Variants in ZBTB8B observed in about 807,000 individuals in gnomAD.
The protein encoded by ZBTB8B is zinc finger and BTB domain-containing protein 8B.
In ZBTB8B, 17 loss-of-function variants were observed where a neutral mutation model predicts 30.3. The observed-to-expected ratio is 0.56, with a 90% CI of 0.38 to 0.84. The LOEUF is 0.84. Ranked by LOEUF, ZBTB8B falls within the 40% of genes least tolerant of loss-of-function variation. The pLI is 0.00. For missense variants in ZBTB8B, 515 were observed against 644.9 expected (o/e 0.80, Z 2.18); for synonymous variants, 248 against 255.6 (o/e 0.97, Z 0.28).
chr1:32,491,841 AG>A lies in ZBTB8B; in HGVS notation c.*6427del, dbSNP rs942808364. ...ACATATGAATTTTTATTAGGTTGCC[AG>A]GGGAACAGAGCTAGAAAGTTAACAA... On this transcript the variant is annotated 3_prime_UTR_variant, in exon 4 of 4. Transcript: ENST00000609129. The A allele has an allele frequency of 5.3e-5, 8 of 152,250 alleles. No homozygotes were observed. The highest frequency in any genetic ancestry group is 1.9e-4 in the African/African-American group (8 of 41,472). The allele number at this position is 152,250 out of a possible 1,614,324, so 9.4% of individuals were successfully genotyped here. A position where few individuals can be genotyped will look rare whatever the true frequency, so the allele number is the denominator to read the frequency against.
intron 1 of ZBTB8B, among the ~76,000 whole-genome samples, chr1:32,468,162 C>A (rs1003422255): frequency 1.3e-5 from 2 of 151,986 alleles, no homozygotes; most frequent in South Asian, 4.2e-4. Context: ...GAAAACCCAA[C>A]TCAGACCAGC....
In ZBTB8B at chr1:32,480,862, C is replaced by T. The variant is rs1316819171; in HGVS notation, c.992-29C>T. ...CCAGGGTTGGTCACTGCATACAGCA[C>T]AGCTAAATGAAAGCATTTGGTTCCC... On this transcript the variant is annotated intron_variant, in intron 2 of 3. Transcript: ENST00000609129. 3 of 1,544,182 alleles carry T rather than the reference C, an allele frequency of 1.9e-6. No homozygotes were observed. The Admixed American group carries it at 5.9e-5, about 31-fold the overall frequency.
rs1288460826 is a variant in ZBTB8B at position 32,488,837 on chromosome 1, C to T, written c.*3419C>T. 2.6e-5 allele frequency: 4 copies of T among 152,098 alleles called. No homozygotes were observed. Among genetic ancestry groups the T allele is most frequent in the Non-Finnish European group, 5.9e-5 (4 of 68,032 alleles). 9.4% of individuals were successfully genotyped at this position (152,098 alleles called of 1,614,324 possible). A position where few individuals can be genotyped will look rare whatever the true frequency, so the allele number is the denominator to read the frequency against. On this transcript the variant is annotated 3_prime_UTR_variant, in exon 4 of 4. Transcript: ENST00000609129. ...TTGAGATGGAGTTTCATCTTTGTCA[C>T]CCAGGCTGGAGTGCAATGGCGTGAT...
At chr1:32,467,239 A>C (rs1436050131) in intron 1 of ZBTB8B, among the ~76,000 whole-genome samples, 5 of 146,130 alleles carry the variant, frequency 3.4e-5, no homozygotes, top group Non-Finnish European at 6.0e-5. Context: ...CCCTCCACAC[A>C]CTTGTTTTTT....
At position 32,471,301 on chromosome 1, in the gene ZBTB8B, G is replaced by C. The variant is rs376515641; in HGVS notation, c.677G>C (p.Arg226Pro). The C allele has an allele frequency of 1.9e-5, 29 of 1,551,676 alleles. No homozygotes were observed. The Admixed American group carries it at 2.9e-4, about 16-fold the overall frequency. Residue 226 changes from arginine (R) to proline (P), a missense_variant, in exon 2 of 4, where the codon CGG (arginine) becomes CCG (proline). Arg to Pro is a moderately radical substitution (Grantham distance 103). Transcript: ENST00000609129. ...ADSNLSTPPKRIEPKVEFDAD... is the reference protein window; with the variant it reads ...ADSNLSTPPKPIEPKVEFDAD... ...AGCAACCTCTCTACTCCACCCAAAC[G>C]GATAGAGCCCAAGGTGGAATTTGAT...
In ZBTB8B at chr1:32,485,767, TC is replaced by T; in HGVS notation, c.*350del. 4.5e-6 allele frequency: 1 copy of T among 220,628 alleles called. No individual in the cohort carries two copies. The highest frequency in any genetic ancestry group is 9.1e-6 in the Non-Finnish European group (1 of 110,228). 13.7% of individuals were successfully genotyped at this position (220,628 alleles called of 1,614,324 possible). ...GCTTGTTTTTATATTGATTCAGTCC[TC>T]TGCATTCCTTTGTTATCATCCTCTT... is the stretch of plus-strand genomic sequence containing the variant. On this transcript the variant is annotated 3_prime_UTR_variant, in exon 4 of 4. Coordinates refer to ENST00000609129, the MANE Select transcript of ZBTB8B (RefSeq NM_001145720.2).
Position 32,471,191 on chromosome 1 carries a change from G to A in ZBTB8B, c.567G>A (p.Leu189=). The A allele has an allele frequency of 6.4e-7, 1 of 1,551,904 alleles. No homozygotes were observed. The highest frequency in any genetic ancestry group is 8.7e-7 in the Non-Finnish European group (1 of 1,147,052). Residue 189 remains leucine (L), a synonymous_variant, in exon 2 of 4, where the codon CTG becomes CTA. Transcript: ENST00000609129. ...AGGGAGAAAAGAGCGTGGAGTGCCT[G>A]AGAGAGTCCCCTTGCGGTGACTGCG... The part of the protein sequence containing the change: ...PAEGEKSVEC[L]RESPCGDCGD...
In ZBTB8B at chr1:32,471,386, C is replaced by T. The variant is rs369365212; in HGVS notation, c.762C>T (p.Asn254=). ...EQLQQYAAPL[N]LAHVEEALPS... ...TGCAGCAGTATGCTGCCCCGCTGAACCTGGCCCACGTGGAGGAGGCCTTGC... is the reference window on the plus strand; with the variant it reads ...TGCAGCAGTATGCTGCCCCGCTGAATCTGGCCCACGTGGAGGAGGCCTTGC... The change falls in exon 2 of 4, where the codon AAC becomes AAT. Residue 254 remains asparagine (N), a synonymous_variant. Coordinates refer to ENST00000609129, the MANE Select transcript of ZBTB8B (RefSeq NM_001145720.2). 35 of 1,551,700 alleles carry T rather than the reference C, an allele frequency of 2.3e-5. No individual in the cohort carries two copies. The African/African-American group carries it at 4.1e-4, about 18-fold the overall frequency.
At chr1:32,468,168 C>A (rs187091968) in intron 1 of ZBTB8B, among the ~76,000 whole-genome samples, 106 of 152,040 alleles carry the variant, frequency 7.0e-4, no homozygotes, top group African/African-American at 2.5e-3. Flanking sequence ...CCAACTCAGA[C>A]CAGCTAAACC....
chr1:32,496,190 C>T lies in ZBTB8B; in HGVS notation c.*10772C>T, dbSNP rs1643816327. 1 of 152,124 alleles carries T rather than the reference C, an allele frequency of 6.6e-6. No homozygotes were observed. The highest frequency in any genetic ancestry group is 6.6e-5 in the Admixed American group (1 of 15,262). The allele number at this position is 152,124 out of a possible 1,614,324, so 9.4% of individuals were successfully genotyped here. ...ACGAGACAATTTCTGGCAGACTATCCCAAGCTGGGACATTTTAGATTCTGT... is the reference window on the plus strand; with the variant it reads ...ACGAGACAATTTCTGGCAGACTATCTCAAGCTGGGACATTTTAGATTCTGT... On this transcript the variant is annotated 3_prime_UTR_variant, in exon 4 of 4. Transcript: ENST00000609129.
chr1:32,470,271 C>T (rs1299409439), intron 1 of ZBTB8B, among the ~76,000 whole-genome samples: 1 of 151,652 alleles, frequency 6.6e-6, no homozygotes, highest in Non-Finnish European at 1.5e-5. Flanking sequence ...GAGGCCGAGG[C>T]GGGCGGATCA....
Position 32,492,135 on chromosome 1 carries a change from A to G in ZBTB8B, c.*6717A>G, listed in dbSNP as rs1303501476. On this transcript the variant is annotated 3_prime_UTR_variant, in exon 4 of 4. Transcript: ENST00000609129. The stretch of plus-strand genomic sequence containing the variant: ...AACAGTCAAAATGATCCTAGCCAAA[A>G]TATCATGTATCCTTTGGTGTCACTC... 1 of 152,134 alleles carries G rather than the reference A, an allele frequency of 6.6e-6. No individual in the cohort carries two copies. The highest frequency in any genetic ancestry group is 1.5e-5 in the Non-Finnish European group (1 of 68,024). 9.4% of individuals were successfully genotyped at this position (152,134 alleles called of 1,614,324 possible).
In ZBTB8B at chr1:32,485,184, C is replaced by T. The variant is rs896858940; in HGVS notation, c.1254C>T (p.Phe418=). 1.0e-5 allele frequency: 16 copies of T among 1,551,834 alleles called. No homozygotes were observed. The highest frequency in any genetic ancestry group is 4.9e-5 in the East Asian group (2 of 40,932). ...TSHLSQGLRR[F]GLCDSCTCVT... ...ACCTGTCCCAGGGGCTGCGGCGCTTCGGGCTGTGTGACAGCTGCACCTGCG... is the reference window on the plus strand; with the variant it reads ...ACCTGTCCCAGGGGCTGCGGCGCTTTGGGCTGTGTGACAGCTGCACCTGCG... Residue 418 remains phenylalanine (F), a synonymous_variant, in exon 4 of 4, where the codon TTC becomes TTT. Transcript: ENST00000609129.
In ZBTB8B at chr1:32,465,914, C is replaced by G. The variant is rs773571029; in HGVS notation, c.-42+809C>G. 9.2e-5 allele frequency among the ~76,000 whole-genome samples: 14 copies of G among 152,048 alleles called. No homozygotes were observed. The highest frequency in any genetic ancestry group is 1.9e-4 in the Non-Finnish European group (13 of 67,996). On this transcript the variant is annotated intron_variant, in intron 1 of 3. Coordinates refer to ENST00000609129, the MANE Select transcript of ZBTB8B (RefSeq NM_001145720.2). The surrounding 1 kb of genome is among the most constrained non-coding windows in gnomAD (Gnocchi z 4.1). The stretch of plus-strand genomic sequence containing the variant: ...TGCTTGTAAAAGCCAGGCATGGTGG[C>G]GCGCACCTGTAGTCCCTGCTACTCG...
In ZBTB8B at chr1:32,492,269, C is replaced by A; in HGVS notation, c.*6851C>A. On this transcript the variant is annotated 3_prime_UTR_variant, in exon 4 of 4. Coordinates refer to ENST00000609129, the MANE Select transcript of ZBTB8B (RefSeq NM_001145720.2). The stretch of plus-strand genomic sequence containing the variant: ...GGAGCCTTTGGCCATCTGGCAAACA[C>A]CAAACACAGGCTCTTGGTAACCGTG... The A allele has an allele frequency of 6.4e-6, 1 of 156,508 alleles. No individual in the cohort carries two copies. Among genetic ancestry groups the A allele is most frequent in the African/African-American group, 2.4e-5 (1 of 41,128 alleles). The allele number at this position is 156,508 out of a possible 1,614,324, so 9.7% of individuals were successfully genotyped here.
In ZBTB8B at chr1:32,495,261, T is replaced by C. The variant is rs1643809496; in HGVS notation, c.*9843T>C. On this transcript the variant is annotated 3_prime_UTR_variant, in exon 4 of 4. Transcript: ENST00000609129. ...TATTTCTTGACTCAGTGGATTTTAA[T>C]CAGTCTACTGCAAAAGCTAGTTTTA... 6.6e-6 allele frequency: 1 copy of C among 152,198 alleles called. No individual in the cohort carries two copies. The highest frequency in any genetic ancestry group is 2.4e-5 in the African/African-American group (1 of 41,450). The allele number at this position is 152,198 out of a possible 1,614,324, so 9.4% of individuals were successfully genotyped here. A position where few individuals can be genotyped will look rare whatever the true frequency, so the allele number is the denominator to read the frequency against.
rs1643745024 is a variant in ZBTB8B at position 32,486,359 on chromosome 1, G to C, written c.*941G>C. 6.6e-6 allele frequency: 1 copy of C among 152,322 alleles called. No individual in the cohort carries two copies. Among genetic ancestry groups the C allele is most frequent in the Non-Finnish European group, 1.5e-5 (1 of 68,110 alleles). The allele number at this position is 152,322 out of a possible 1,614,324, so 9.4% of individuals were successfully genotyped here. A position where few individuals can be genotyped will look rare whatever the true frequency, so the allele number is the denominator to read the frequency against. On this transcript the variant is annotated 3_prime_UTR_variant, in exon 4 of 4. Coordinates refer to ENST00000609129, the MANE Select transcript of ZBTB8B (RefSeq NM_001145720.2). ...TGGCTTCACCCAGGAAAGAATTCAA[G>C]GGCAAGCCAGTGGTGTTAGACAGCA...
At chr1:32,466,959 C>T (rs1643575897) in intron 1 of ZBTB8B, among the ~76,000 whole-genome samples, 1 of 152,100 alleles carries the variant, frequency 6.6e-6, no homozygotes, top group Non-Finnish European at 1.5e-5. Flanking sequence ...TTGAGACCAG[C>T]CAGGGCAACA....
intron 2 of ZBTB8B, among the ~76,000 whole-genome samples, chr1:32,476,732 T>A (rs1643667230): frequency 6.7e-6 from 1 of 148,402 alleles, no homozygotes; most frequent in Non-Finnish European, 1.5e-5. Context: ...GAGGTTGCAG[T>A]GAGCCGAGGT....
Sources: allele counts gnomAD v4.1 joint callset (sites outside exome capture counted in the v4.1 genomes callset), GRCh38; gene constraint gnomAD v4.1.1; non-coding constraint Gnocchi (gnomAD v3.1); transcripts MANE v1.5; gene names NCBI Gene and HGNC (gene_info 2026-07-23, HGNC 2026-07-21).